Variants in ZFAND5 observed in about 807,000 individuals in gnomAD.
ZFAND5 encodes the protein zinc finger AN1-type containing 5, also known as AN1-type zinc finger protein 5.
Under a neutral mutation model 23.6 loss-of-function variants are expected in ZFAND5, and 4 were observed. The ratio of observed to expected loss-of-function variants is 0.17; its 90% CI spans 0.08 to 0.39. ZFAND5 has a LOEUF of 0.39. Among genes scored for constraint, ZFAND5 ranks in the 10% least tolerant of loss-of-function variants. The pLI is 1.00. For missense variants in ZFAND5, 161 were observed against 253.7 expected (o/e 0.63, Z 2.48); for synonymous variants, 68 against 80.6 (o/e 0.84, Z 0.84).
At chr9:72,358,792 G>C (rs371123247) in intron 5 of ZFAND5, among the ~76,000 whole-genome samples, 1 of 152,194 alleles carries the variant, frequency 6.6e-6, no homozygotes, top group East Asian at 1.9e-4. Flanking sequence ...AGAACAAATT[G>C]ATAAAATAAG....
chr9:72,358,516 A>C (rs1437162846), intron 5 of ZFAND5, among the ~76,000 whole-genome samples: 1 of 152,162 alleles, frequency 6.6e-6, no homozygotes, highest in Admixed American at 6.6e-5. Context: ...TGTATTTAAA[A>C]ACCAAAACCA....
At chr9:72,361,202 T>C (rs527839795) in intron 2 of ZFAND5, among the ~76,000 whole-genome samples, 13 of 152,362 alleles carry the variant, frequency 8.5e-5, no homozygotes, top group African/African-American at 3.1e-4. Flanking sequence ...TTGATATTTA[T>C]AGGTAGTTCT....
intron 1 of ZFAND5, chr9:72,363,811 C>T (rs371999149): frequency 7.7e-6 from 2 of 260,794 alleles, no homozygotes; most frequent in East Asian, 3.6e-4. Flanking sequence ...ATCTAAATCC[C>T]AGGTTTAAGA....
intron 5 of ZFAND5, among the ~76,000 whole-genome samples, chr9:72,358,290 CTAGGGGAATAGTTG>C (rs1842001325): frequency 6.6e-6 from 1 of 151,980 alleles, no homozygotes; most frequent in Admixed American, 6.6e-5. Context: ...AAAGAATAAT[CTAGGGGAATAGTTG>C]TATGGGGTAG....
At chr9:72,358,248 A>G (rs1841999915) in intron 5 of ZFAND5, among the ~76,000 whole-genome samples, 2 of 152,168 alleles carry the variant, frequency 1.3e-5, no homozygotes, top group South Asian at 4.1e-4. Flanking sequence ...CTACTGTGAC[A>G]ACATTAATGT....
At position 72,355,653 on chromosome 9, in the gene ZFAND5, T is replaced by G. The variant is rs1776557055; in HGVS notation, c.*300A>C. 4.9e-6 allele frequency: 1 copy of G among 202,546 alleles called. No homozygotes were observed. Among genetic ancestry groups the G allele is most frequent in the Admixed American group, 5.8e-5 (1 of 17,244 alleles). The allele number at this position is 202,546 out of a possible 1,614,324, so 12.5% of individuals were successfully genotyped here. ...TGCTGCAAACATGCAGAGATTTCAT[T>G]TATTTTGTTTGGCACATGGGAACTA... On this transcript the variant is annotated 3_prime_UTR_variant, in exon 7 of 7. Transcript: ENST00000376962.
chr9:72,364,374 C>T (rs1587883782), intron 1 of ZFAND5: 2 of 1,161,350 alleles, frequency 1.7e-6, no homozygotes, highest in Non-Finnish European at 2.1e-6. Flanking sequence ...TTCTCTGGGT[C>T]GTGGTGCCCA....
At chr9:72,364,119 C>A in intron 1 of ZFAND5, 1 of 154,038 alleles carries the variant, frequency 6.5e-6, no homozygotes, top group South Asian at 1.8e-4. Context: ...GGAACAAGTT[C>A]GGGTCCCACT....
chr9:72,356,306 T>G (rs1235022515), intron 6 of ZFAND5, among the ~76,000 whole-genome samples: 1 of 152,246 alleles, frequency 6.6e-6, no homozygotes, highest in East Asian at 1.9e-4. Flanking sequence ...ACTTTTAACT[T>G]CCTTTGACAT....
chr9:72,360,460 G>C lies in ZFAND5; in HGVS notation c.151+168C>G, dbSNP rs535388726. On this transcript the variant is annotated intron_variant, in intron 3 of 6. Transcript: ENST00000376962. The stretch of plus-strand genomic sequence containing the variant: ...AAAAGCTATAAGATGCTTGTAGATA[G>C]TCATTCATTCCTGATCAGTCATGTC... 64 of 945,340 alleles carry C rather than the reference G, an allele frequency of 6.8e-5. No individual in the cohort carries two copies. In the South Asian group the frequency reaches 9.7e-4, roughly 14 times the overall value. The allele number at this position is 945,340 out of a possible 1,614,324, so 58.6% of individuals were successfully genotyped here.
At position 72,363,585 on chromosome 9, in the gene ZFAND5, TTTA is replaced by T. The variant is rs1274006714; in HGVS notation, c.-128_-126del. The T allele has an allele frequency of 2.1e-6, 2 of 973,118 alleles. No individual in the cohort carries two copies. Among genetic ancestry groups the T allele is most frequent in the Non-Finnish European group, 2.4e-6 (2 of 818,776 alleles). 60.3% of individuals were successfully genotyped at this position (973,118 alleles called of 1,614,324 possible). ...TTTGCCAAATGGAGTAGAATTGACT[TTTA>T]AAGGCTCCTTTTCAGGGCCTGGGAG... is the stretch of plus-strand genomic sequence containing the variant. On this transcript the variant is annotated 5_prime_UTR_variant, in exon 2 of 7. Transcript: ENST00000376962.
chr9:72,364,532 CT>C, intron 1 of ZFAND5, 163 bp downstream of exon 1: 1 of 1,278,514 alleles, frequency 7.8e-7, no homozygotes. Flanking sequence ...ACGCCTCCGT[CT>C]TTGTGCTTCC....
In ZFAND5 at chr9:72,353,190, A is replaced by G. The variant is rs1036372545; in HGVS notation, c.*2763T>C. 5.3e-5 allele frequency: 8 copies of G among 151,760 alleles called. No individual in the cohort carries two copies. The highest frequency in any genetic ancestry group is 9.7e-5 in the African/African-American group (4 of 41,224). The allele number at this position is 151,760 out of a possible 1,614,324, so 9.4% of individuals were successfully genotyped here. On this transcript the variant is annotated 3_prime_UTR_variant, in exon 7 of 7. Coordinates refer to ENST00000376962, the MANE Select transcript of ZFAND5 (RefSeq NM_001102420.3). ...ACATGGTATATTATTAAATTGCTTA[A>G]TATCTGTACATTTCAAAGGACTTCA...
Position 72,354,530 on chromosome 9 carries a change from G to A in ZFAND5, c.*1423C>T, listed in dbSNP as rs1042173671. 2.6e-5 allele frequency: 4 copies of A among 152,552 alleles called. No individual in the cohort carries two copies. Among genetic ancestry groups the A allele is most frequent in the African/African-American group, 9.7e-5 (4 of 41,420 alleles). 9.4% of individuals were successfully genotyped at this position (152,552 alleles called of 1,614,324 possible). On this transcript the variant is annotated 3_prime_UTR_variant, in exon 7 of 7. Transcript: ENST00000376962. ...TCAATGCTGAATAGCATGATTATGT[G>A]CAATACATAAATATGAACTATCTGT...
At position 72,363,537 on chromosome 9, in the gene ZFAND5, A is replaced by T. The variant is rs1385590350; in HGVS notation, c.-77T>A. ...AGTCAGTGACCTTGGGCAAGTCCTT[A>T]CTTTCCAGATTTCAGTTCCCTCTTT... On this transcript the variant is annotated 5_prime_UTR_variant, in exon 2 of 7. Coordinates refer to ENST00000376962, the MANE Select transcript of ZFAND5 (RefSeq NM_001102420.3). 3 of 808,552 alleles carry T rather than the reference A, an allele frequency of 3.7e-6. No individual in the cohort carries two copies. The Admixed American group carries it at 1.9e-4, about 50-fold the overall frequency. The allele number at this position is 808,552 out of a possible 1,614,324, so 50.1% of individuals were successfully genotyped here. A position where few individuals can be genotyped will look rare whatever the true frequency, so the allele number is the denominator to read the frequency against.
chr9:72,351,551 G>A lies in ZFAND5; in HGVS notation c.*4402C>T, dbSNP rs1841769238. 2 of 148,896 alleles carry A rather than the reference G, an allele frequency of 1.3e-5. No individual in the cohort carries two copies. The highest frequency in any genetic ancestry group is 2.1e-4 in the South Asian group (1 of 4,748). The allele number at this position is 148,896 out of a possible 1,614,324, so 9.2% of individuals were successfully genotyped here. On this transcript the variant is annotated 3_prime_UTR_variant, in exon 7 of 7. Coordinates refer to ENST00000376962, the MANE Select transcript of ZFAND5 (RefSeq NM_001102420.3). ...AAACCAGCACTTGTGCATAGAAATA[G>A]CTATAAAATATTAAATGGCACTTTT...
rs761346682 is a variant in ZFAND5, at chr9:72,356,105, T to C, written c.494-4A>G. 2.0e-5 allele frequency: 32 copies of C among 1,605,198 alleles called. No homozygotes were observed. The East Asian group carries it at 6.2e-4, about 31-fold the overall frequency. On this transcript the variant is annotated splice_polypyrimidine_tract_variant and splice_region_variant and intron_variant, in intron 6 of 6. Transcript: ENST00000376962. ...TTTCCACATCGGCAGTCAAACCCTG[T>C]ACAAACGAAGAAGTAGAGTCATTTG...
chr9:72,358,283 G>T (rs1160150794), intron 5 of ZFAND5, among the ~76,000 whole-genome samples: 4 of 152,066 alleles, frequency 2.6e-5, no homozygotes, highest in African/African-American at 7.2e-5. Flanking sequence ...TGAGGATAAA[G>T]AATAATCTAG....
intron 1 of ZFAND5, chr9:72,364,256 A>T: frequency 2.5e-6 from 1 of 406,786 alleles, no homozygotes; most frequent in South Asian, 2.5e-5. Context: ...TGCAGGCCCC[A>T]CGCGGATCCC....
Sources: gnomAD v4.1 joint callset for allele counts (sites outside exome capture counted in the v4.1 genomes callset) on GRCh38, gnomAD v4.1.1 for gene constraint, MANE v1.5 for transcripts, NCBI Gene and HGNC (gene_info 2026-07-23, HGNC 2026-07-21) for gene names.